Variants in PSPH observed in about 807,000 individuals in gnomAD.
PSPH encodes the protein phosphoserine phosphatase.
PSPH carries 16 observed loss-of-function variants against 23.4 expected under a neutral mutation model. The ratio of observed to expected loss-of-function variants is 0.68; its 90% CI spans 0.46 to 1.04. The LOEUF is 1.04. Among genes scored for constraint, PSPH ranks in the 50% least tolerant of loss-of-function variants. The pLI is 0.00. For missense variants in PSPH, 223 were observed against 273.7 expected (o/e 0.81, Z 1.31); for synonymous variants, 68 against 99.7 (o/e 0.68, Z 1.89).
At chr7:56,019,152 T>A (rs1348191020) in intron 5 of PSPH, among the ~76,000 whole-genome samples, 1 of 151,674 alleles carries the variant, frequency 6.6e-6, no homozygotes, top group Non-Finnish European at 1.5e-5. Flanking sequence ...CTAAAAAAAA[T>A]AATAATAGGC....
chr7:56,020,691 A>G (rs1161375927), intron 4 of PSPH, among the ~76,000 whole-genome samples: 2 of 145,172 alleles, frequency 1.4e-5, no homozygotes, highest in Non-Finnish European at 3.0e-5. Context: ...GGAGGTCCCC[A>G]GCTGCAGGGC....
intron 1 of PSPH, among the ~76,000 whole-genome samples, chr7:56,047,289 G>A (rs1793373323): frequency 6.6e-6 from 1 of 151,828 alleles, no homozygotes. Context: ...CTACTCAGGA[G>A]GCTGAGATAG....
intron 1 of PSPH, among the ~76,000 whole-genome samples, chr7:56,034,672 C>G (rs529960736): frequency 6.6e-6 from 1 of 152,196 alleles, no homozygotes; most frequent in African/African-American, 2.4e-5. Flanking sequence ...CCCGCCACCA[C>G]GCCCGGCTAA....
intron 4 of PSPH, 136 bp downstream of exon 4, chr7:56,020,937 G>T: frequency 1.1e-6 from 1 of 895,586 alleles, no homozygotes; most frequent in Non-Finnish European, 1.6e-6. Context: ...GAATGAATAT[G>T]TCAAATTCAG....
intron 3 of PSPH, 72 bp downstream of exon 3, chr7:56,031,857 T>G (rs1791043799): frequency 6.5e-6 from 1 of 153,402 alleles, no homozygotes; most frequent in Non-Finnish European, 1.5e-5. Flanking sequence ...GTGTAACAGT[T>G]CAATGCGTAA....
At chr7:56,014,663 G>A (rs1788347220) in intron 7 of PSPH, among the ~76,000 whole-genome samples, 1 of 152,124 alleles carries the variant, frequency 6.6e-6, no homozygotes, top group Non-Finnish European at 1.5e-5. Context: ...CAAAAGTACG[G>A]CCGGGCACGG....
intron 3 of PSPH, among the ~76,000 whole-genome samples, chr7:56,026,278 C>T (rs1436550657): frequency 6.6e-5 from 10 of 152,064 alleles, no homozygotes; most frequent in Admixed American, 6.6e-4. Context: ...GAGTTCGAGA[C>T]CCGCCTGGCC....
chr7:56,013,124 C>T (rs116892720), intron 7 of PSPH, among the ~76,000 whole-genome samples: 25,781 of 134,708 alleles, frequency 0.19, 2,536 homozygotes, highest in Admixed American at 0.27. Flanking sequence ...TTTATATACA[C>T]ACACATATAT....
chr7:56,020,290 A>G (rs1048146156), intron 4 of PSPH, among the ~76,000 whole-genome samples: 2 of 152,136 alleles, frequency 1.3e-5, no homozygotes, highest in Non-Finnish European at 2.9e-5. Context: ...ATAAATCAAG[A>G]AAGAGACCAA....
At chr7:56,016,329 A>C (rs1212651849) in intron 6 of PSPH, among the ~76,000 whole-genome samples, 3 of 146,498 alleles carry the variant, frequency 2.0e-5, no homozygotes, top group Non-Finnish European at 4.5e-5. Context: ...GCTTGCACCC[A>C]GGAGGCAGAG....
intron 1 of PSPH, among the ~76,000 whole-genome samples, chr7:56,043,987 C>T (rs969689200): frequency 1.2e-4 from 18 of 151,818 alleles, no homozygotes; most frequent in African/African-American, 3.9e-4. Flanking sequence ...GATGGAGTTT[C>T]GTCTTGTTGC....
At chr7:56,021,866 C>T (rs1025639785) in intron 3 of PSPH, among the ~76,000 whole-genome samples, 16 of 145,318 alleles carry the variant, frequency 1.1e-4, no homozygotes, top group African/African-American at 3.8e-4. Flanking sequence ...AGGAGAATGG[C>T]GTGAACCTGG....
At chr7:56,018,425 G>A (rs1290178012) in intron 5 of PSPH, among the ~76,000 whole-genome samples, 1 of 152,112 alleles carries the variant, frequency 6.6e-6, no homozygotes, top group Non-Finnish European at 1.5e-5. Flanking sequence ...CTCTGCCCAT[G>A]GACCCAGAAA....
chr7:56,034,169 T>A (rs1300611753), intron 1 of PSPH, 63 bp from the exon 2 acceptor site: 1 of 152,262 alleles, frequency 6.6e-6, no homozygotes, highest in East Asian at 1.9e-4. Context: ...AGACACCAGA[T>A]CTGTCTGCTC....
chr7:56,016,455 C>T (rs1788576859), intron 6 of PSPH, among the ~76,000 whole-genome samples: 1 of 149,768 alleles, frequency 6.7e-6, no homozygotes, highest in Non-Finnish European at 1.5e-5. Flanking sequence ...ATGTAACTGG[C>T]GATCTGAGAT....
intron 6 of PSPH, among the ~76,000 whole-genome samples, chr7:56,016,306 A>C (rs1788548060): frequency 6.8e-6 from 1 of 147,518 alleles, no homozygotes; most frequent in Admixed American, 6.9e-5. Flanking sequence ...TGGGAGGCTG[A>C]GGCAGGAGAA....
intron 3 of PSPH, among the ~76,000 whole-genome samples, chr7:56,023,554 T>C (rs1789762171): frequency 6.6e-6 from 1 of 152,048 alleles, no homozygotes; most frequent in Non-Finnish European, 1.5e-5. Context: ...TGAGCCCCCA[T>C]GCCTGGCCTT....
intron 4 of PSPH, chr7:56,019,938 G>T: frequency 1.5e-6 from 1 of 686,046 alleles, no homozygotes; most frequent in Non-Finnish European, 2.6e-6. Context: ...TTAACAGGCT[G>T]GGTGCAGTGA....
chr7:56,027,304 C>G (rs1790342578), intron 3 of PSPH, among the ~76,000 whole-genome samples: 1 of 152,006 alleles, frequency 6.6e-6, no homozygotes, highest in African/African-American at 2.4e-5. Context: ...ACCAGAATCT[C>G]AAAGCCAGTC....
Sources: allele counts gnomAD v4.1 joint callset (sites outside exome capture counted in the v4.1 genomes callset), GRCh38; gene constraint gnomAD v4.1.1; transcripts MANE v1.5; gene names NCBI Gene and HGNC (gene_info 2026-07-23, HGNC 2026-07-21).